CC2D1A: variants seen among roughly 807,000 people sequenced by gnomAD.
CC2D1A encodes coiled-coil and C2 domain containing 1A.
CC2D1A carries 68 observed loss-of-function variants against 123.8 expected under a neutral mutation model. The ratio of observed to expected loss-of-function variants is 0.55; its 90% confidence interval spans 0.45 to 0.67. CC2D1A has a LOEUF of 0.67. Ranked by LOEUF, CC2D1A falls within the 30% of genes least tolerant of loss-of-function variation. CC2D1A has a pLI of 0.00. For synonymous variants in CC2D1A, 477 were observed against 528.0 expected, an observed-to-expected ratio of 0.90 and a Z score of 1.32; for missense variants, 1,185 against 1,290.3, an observed-to-expected ratio of 0.92 and a Z score of 1.25.
rs1423002835 is a variant in CC2D1A at position 13,929,637 on chromosome 19, AG to A, written c.2693del (p.Gly898ValfsTer45). On this transcript the variant is annotated frameshift_variant, in exon 26 of 29. Coordinates refer to ENST00000318003, the MANE Select transcript of CC2D1A (RefSeq NM_017721.5). LOFTEE classifies it high-confidence loss of function. ...CAGTGGCAGAGGGCACAGCTGGAGCAGGGGGGTGTGGGCATCCGACGGGGTA... is the reference window on the plus strand; with the variant it reads ...CAGTGGCAGAGGGCACAGCTGGAGCAGGGGGTGTGGGCATCCGACGGGGTA... ...RSQWQRAQLE[Q>X]GGVGIRREYA... The A allele has an allele frequency of 2.9e-6, 4 of 1,388,732 alleles. No homozygotes were observed. Among genetic ancestry groups the A allele is most frequent in the Admixed American group, 2.4e-5 (1 of 41,650 alleles). The allele number at this position is 1,388,732 out of a possible 1,614,324, so 86.0% of individuals were successfully genotyped here. A position where few individuals can be genotyped will look rare whatever the true frequency, so the allele number is the denominator to read the frequency against.
intron 4 of CC2D1A, 41 bp downstream of exon 4, chr19:13,912,634 A>C: frequency 1.9e-6 from 3 of 1,597,464 alleles, no homozygotes; most frequent in Non-Finnish European, 1.7e-6. Flanking sequence ...CCACAACCCA[A>C]CGGACAGCCC....
chr19:13,921,494 G>A (rs1599395722), intron 14 of CC2D1A, among the ~76,000 whole-genome samples: 1 of 152,078 alleles, frequency 6.6e-6, no homozygotes, highest in South Asian at 2.1e-4. Context: ...AGAGAAGTGG[G>A]GATGGCCACC....
rs749447153 is a variant in CC2D1A, at chr19:13,929,411, T to C, written c.2552T>C (p.Leu851Pro). 14 of 1,613,416 alleles carry C rather than the reference T, an allele frequency of 8.7e-6. No homozygotes were observed. Among genetic ancestry groups the C allele is most frequent in the Non-Finnish European group, 1.2e-5 (14 of 1,179,986 alleles). ...CGGCCCCTGCATAGCCTCAGTGTGC[T>C]GGCGTTTGACCAAGAGCGTCTGGAG... ...SARPLHSLSV[L>P]AFDQERLERK... Residue 851 changes from leucine (L) to proline (P), a missense_variant, in exon 25 of 29, where the codon CTG (leucine) becomes CCG (proline). Coordinates refer to ENST00000318003, the MANE Select transcript of CC2D1A (RefSeq NM_017721.5).
chr19:13,916,426 T>C (rs1971209620), intron 6 of CC2D1A, among the ~76,000 whole-genome samples: 1 of 152,000 alleles, frequency 6.6e-6, no homozygotes, highest in Non-Finnish European at 1.5e-5. Flanking sequence ...TAGCCAGCCA[T>C]GGTGGTGCAT....
At position 13,918,990 on chromosome 19, in the gene CC2D1A, C is replaced by T; in HGVS notation, c.1097C>T (p.Ala366Val). ...CGGTACCAGGTGGCCGCAGCCCAGGCCAAGAGCAAGGGGGACCAGCGGAAA... is the reference window on the plus strand; with the variant it reads ...CGGTACCAGGTGGCCGCAGCCCAGGTCAAGAGCAAGGGGGACCAGCGGAAA... The part of the protein sequence containing the change: ...MERYQVAAAQ[A>V]KSKGDQRKAR... The change falls in exon 10 of 29, where the codon GCC becomes GTC. Residue 366 changes from alanine to valine, a missense_variant. Coordinates refer to ENST00000318003, the MANE Select transcript of CC2D1A (RefSeq NM_017721.5). 1.9e-6 allele frequency: 3 copies of T among 1,609,460 alleles called. No individual in the cohort carries two copies. The highest frequency in any genetic ancestry group is 2.5e-6 in the Non-Finnish European group (3 of 1,177,924).
chr19:13,927,886 CA>C lies in CC2D1A; in HGVS notation c.2317-6del. 2 of 1,613,120 alleles carry C rather than the reference CA, an allele frequency of 1.2e-6. No homozygotes were observed. The highest frequency in any genetic ancestry group is 3.3e-5 in the Admixed American group (2 of 60,006). On this transcript the variant is annotated splice_region_variant and splice_polypyrimidine_tract_variant and intron_variant, in intron 22 of 28. Coordinates refer to ENST00000318003, the MANE Select transcript of CC2D1A (RefSeq NM_017721.5). ...CCCACCAACAGTTTCTCCTTACCCCCACCCAGGTCCTGGATGGTCGCCGGCC... is the reference window on the plus strand; with the variant it reads ...CCCACCAACAGTTTCTCCTTACCCCCCCCAGGTCCTGGATGGTCGCCGGCC...
At chr19:13,926,071 C>T (rs1235471969) in intron 17 of CC2D1A, among the ~76,000 whole-genome samples, 42 of 92,348 alleles carry the variant, frequency 4.5e-4, no homozygotes, top group African/African-American at 1.9e-3. Flanking sequence ...TATATACACA[C>T]ACACACACAC....
chr19:13,906,331 G>C lies in CC2D1A; in HGVS notation c.-111G>C. The stretch of plus-strand genomic sequence containing the variant: ...TCGGGATCGACGGCCGCGGGGCGCC[G>C]ACGAGGAGTGCAGGACTCAGGAAGG... On this transcript the variant is annotated 5_prime_UTR_variant, in exon 1 of 29. Coordinates refer to ENST00000318003, the MANE Select transcript of CC2D1A (RefSeq NM_017721.5). The surrounding 1 kb of genome is among the most constrained non-coding windows in gnomAD (Gnocchi z 4.1). 1.2e-6 allele frequency: 1 copy of C among 805,020 alleles called. No homozygotes were observed. Among genetic ancestry groups the C allele is most frequent in the Non-Finnish European group, 1.8e-6 (1 of 568,040 alleles). The allele number at this position is 805,020 out of a possible 1,614,324, so 49.9% of individuals were successfully genotyped here.
chr19:13,918,858 C>G, intron 9 of CC2D1A, 41 bp downstream of exon 9: 4 of 1,610,116 alleles, frequency 2.5e-6, no homozygotes, highest in Non-Finnish European at 3.4e-6. Flanking sequence ...CAGGCTGGAG[C>G]CAGACTGTCT....
chr19:13,913,508 C>G lies in CC2D1A; in HGVS notation c.618C>G (p.Thr206=). The part of the protein sequence containing the change: ...AIGKGPASTP[T]YSPAPTQPAP... ...GAAAAGGCCCGGCGTCCACGCCTAC[C>G]TACAGCCCTGCACCCACCCAGCCGG... The change falls in exon 6 of 29, where the codon ACC becomes ACG. Residue 206 remains threonine (T), a synonymous_variant. Transcript: ENST00000318003. 6 of 1,614,176 alleles carry G rather than the reference C, an allele frequency of 3.7e-6. No individual in the cohort carries two copies. The highest frequency in any genetic ancestry group is 5.1e-6 in the Non-Finnish European group (6 of 1,180,042).
intron 11 of CC2D1A, 69 bp downstream of exon 11, chr19:13,919,271 C>A: frequency 8.0e-7 from 1 of 1,257,328 alleles, no homozygotes; most frequent in Non-Finnish European, 1.1e-6. Flanking sequence ...CCAGAGGCCC[C>A]GCCGCTGGCA....
intron 6 of CC2D1A, among the ~76,000 whole-genome samples, chr19:13,917,019 T>A (rs1331162876): frequency 1.3e-5 from 2 of 152,226 alleles, no homozygotes; most frequent in Non-Finnish European, 2.9e-5. Flanking sequence ...ACACACTGCA[T>A]AAATATATTT....
In CC2D1A at chr19:13,923,675, C is replaced by G. The variant is rs1454420658; in HGVS notation, c.1824-20C>G. ...CCATCCCCAGGGCCAGGGACATGAG[C>G]AGGGCCCTCCCACCGGCAGGTTTGA... is the stretch of plus-strand genomic sequence containing the variant. On this transcript the variant is annotated intron_variant, in intron 16 of 28. Transcript: ENST00000318003. The surrounding 1 kb of genome is among the most constrained non-coding windows in gnomAD (Gnocchi z 5.3). 2 of 1,613,164 alleles carry G rather than the reference C, an allele frequency of 1.2e-6. No homozygotes were observed. The highest frequency in any genetic ancestry group is 1.1e-5 in the South Asian group (1 of 91,054).
intron 2 of CC2D1A, 141 bp downstream of exon 2, chr19:13,910,099 A>T: frequency 3.9e-6 from 3 of 776,136 alleles, no homozygotes; most frequent in South Asian, 3.8e-5. Flanking sequence ...TGGGTAAGAG[A>T]GTCAAGATCG....
At position 13,920,627 on chromosome 19, in the gene CC2D1A, C is replaced by T; in HGVS notation, c.1427C>T (p.Ala476Val). The change falls in exon 13 of 29, where the codon GCC becomes GTC. Residue 476 changes from alanine (A) to valine (V), a missense_variant. Ala to Val is a moderately conservative substitution (Grantham distance 64). Transcript: ENST00000318003. ...PPSRTPQSGS[A>V]PTAKAPPKAT... ...TCAAGAACTCCCCAGTCGGGATCAG[C>T]CCCAACAGCCAAAGCGCCCCCCAAA... 10 of 1,611,196 alleles carry T rather than the reference C, an allele frequency of 6.2e-6. No individual in the cohort carries two copies. Among genetic ancestry groups the T allele is most frequent in the Admixed American group, 1.7e-5 (1 of 59,614 alleles).
chr19:13,919,871 G>A lies in CC2D1A; in HGVS notation c.1276G>A (p.Val426Met), dbSNP rs200445152. ...CACCAAGCCCACCCAGCAGAGTCTG[G>A]TGGGTGTCCTGGAGACTGCCATGAA... ...EATKPTQQSLVGVLETAMKLA... is the reference protein window; with the variant it reads ...EATKPTQQSLMGVLETAMKLA... The change falls in exon 12 of 29, where the codon GTG becomes ATG. Residue 426 changes from valine to methionine, a missense_variant. Coordinates refer to ENST00000318003, the MANE Select transcript of CC2D1A (RefSeq NM_017721.5). 65 of 1,612,916 alleles carry A rather than the reference G, an allele frequency of 4.0e-5. No individual in the cohort carries two copies. In the South Asian group the frequency reaches 4.1e-4, roughly 10 times the overall value.
Position 13,919,830 on chromosome 19 carries a change from T to G in CC2D1A, c.1235T>G (p.Ile412Ser). 3.1e-6 allele frequency: 5 copies of G among 1,603,690 alleles called. No homozygotes were observed. The highest frequency in any genetic ancestry group is 4.3e-6 in the Non-Finnish European group (5 of 1,173,288). The change falls in exon 12 of 29, where the codon ATC (isoleucine) becomes AGC (serine). Residue 412 changes from isoleucine (I) to serine (S), a missense_variant. Physicochemically the swap from Ile to Ser is moderately radical, Grantham distance 142. Transcript: ENST00000318003. Reference protein sequence around the residue: ...ELPVPPGFPPIQGLEATKPTQ... With the variant: ...ELPVPPGFPPSQGLEATKPTQ... The stretch of plus-strand genomic sequence containing the variant: ...ACTGGCCACCCAGGCTTCCCCCCAA[T>G]CCAGGGCCTGGAGGCCACCAAGCCC...
At position 13,929,355 on chromosome 19, in the gene CC2D1A, C is replaced by T. The variant is rs370583100; in HGVS notation, c.2520-24C>T. Reference sequence around the variant, plus strand: ...TTGGGCTGGGGGAATCTCTGCAGTCCCTTATCCTTCCTCCACCCCTTAGAT... The same window carrying T: ...TTGGGCTGGGGGAATCTCTGCAGTCTCTTATCCTTCCTCCACCCCTTAGAT... On this transcript the variant is annotated intron_variant, in intron 24 of 28. Coordinates refer to ENST00000318003, the MANE Select transcript of CC2D1A (RefSeq NM_017721.5). 3 of 1,612,292 alleles carry T rather than the reference C, an allele frequency of 1.9e-6. No homozygotes were observed. In the African/African-American group the frequency reaches 4.0e-5, roughly 22 times the overall value.
In CC2D1A at chr19:13,906,577, C is replaced by T. The variant is rs987860368; in HGVS notation, c.60+76C>T. Reference sequence around the variant, plus strand: ...ACTCGCTCAGGGAAGGGCCCCACCCCCCAGGGAAGCCCGATCTCCGCCCCA... The same window carrying T: ...ACTCGCTCAGGGAAGGGCCCCACCCTCCAGGGAAGCCCGATCTCCGCCCCA... On this transcript the variant is annotated intron_variant, in intron 1 of 28. Transcript: ENST00000318003. The surrounding 1 kb of genome is among the most constrained non-coding windows in gnomAD (Gnocchi z 4.1). 1.2e-5 allele frequency: 11 copies of T among 930,646 alleles called. No homozygotes were observed. The highest frequency in any genetic ancestry group is 3.8e-5 in the South Asian group (2 of 52,562). The allele number at this position is 930,646 out of a possible 1,614,324, so 57.6% of individuals were successfully genotyped here.
Sources: allele counts gnomAD v4.1 joint callset (sites outside exome capture counted in the v4.1 genomes callset), GRCh38; gene constraint gnomAD v4.1.1; non-coding constraint Gnocchi (gnomAD v3.1); transcripts MANE v1.5; gene names NCBI Gene and HGNC (gene_info 2026-07-23, HGNC 2026-07-21).